Variants in GTF2E2 observed in about 807,000 individuals in gnomAD.
GTF2E2 encodes general transcription factor IIE subunit 2.
Under a neutral mutation model 40.5 loss-of-function variants are expected in GTF2E2, and 21 were observed. That is an observed-to-expected ratio of 0.52 (90% CI 0.37 to 0.75). The LOEUF (loss-of-function observed/expected upper bound fraction) is 0.75, where lower values mean the gene tolerates loss of function less well. Among genes scored for constraint, GTF2E2 ranks in the 30% least tolerant of loss-of-function variants. The pLI is 0.00. For synonymous variants in GTF2E2, 117 were observed against 121.6 expected, an observed-to-expected ratio of 0.96 and a Z score of 0.25; for missense variants, 298 against 338.4, an observed-to-expected ratio of 0.88 and a Z score of 0.94.
intron 3 of GTF2E2, among the ~76,000 whole-genome samples, chr8:30,632,545 TATA>T (rs766037088): frequency 6.6e-6 from 1 of 152,172 alleles, no homozygotes; most frequent in South Asian, 2.1e-4. Context: ...ATAAAACAAT[TATA>T]ATAAAAATTC....
At chr8:30,615,243 C>T (rs1800884592) in intron 3 of GTF2E2, among the ~76,000 whole-genome samples, 1 of 152,128 alleles carries the variant, frequency 6.6e-6, no homozygotes, top group South Asian at 2.1e-4. Flanking sequence ...CATGCCACTG[C>T]ACTCCAGCCT....
At chr8:30,611,711 G>A (rs1829480715) in intron 5 of GTF2E2, among the ~76,000 whole-genome samples, 1 of 152,146 alleles carries the variant, frequency 6.6e-6, no homozygotes, top group Non-Finnish European at 1.5e-5. Flanking sequence ...CCATTACCAA[G>A]AAGAAGAGAC....
At chr8:30,649,660 C>A (rs781702690) in intron 2 of GTF2E2, among the ~76,000 whole-genome samples, 1 of 152,280 alleles carries the variant, frequency 6.6e-6, no homozygotes, top group Non-Finnish European at 1.5e-5. Flanking sequence ...GCCTGACCAA[C>A]ATGGCAAAAC....
intron 3 of GTF2E2, among the ~76,000 whole-genome samples, chr8:30,634,700 A>T (rs2128723629): frequency 6.6e-6 from 1 of 152,332 alleles, no homozygotes; most frequent in Non-Finnish European, 1.5e-5. Flanking sequence ...CTGAAAAATC[A>T]ATCACATCCT....
At chr8:30,603,576 T>C (rs541853158) in intron 6 of GTF2E2, among the ~76,000 whole-genome samples, 127 of 152,264 alleles carry the variant, frequency 8.3e-4, no homozygotes, top group Middle Eastern at 3.4e-3. Context: ...AACACAATTC[T>C]TAAAATAAAC....
intron 3 of GTF2E2, among the ~76,000 whole-genome samples, chr8:30,623,660 C>T (rs1157432002): frequency 6.6e-6 from 1 of 151,954 alleles, no homozygotes; most frequent in Non-Finnish European, 1.5e-5. Context: ...TGTTTCTCCA[C>T]ATCCTCTCCA....
intron 6 of GTF2E2, among the ~76,000 whole-genome samples, chr8:30,582,927 T>C (rs1289454971): frequency 2.0e-5 from 3 of 152,236 alleles, no homozygotes; most frequent in Non-Finnish European, 4.4e-5. Context: ...TCTCATATTA[T>C]CACTAATTTT....
chr8:30,589,659 TTC>T (rs1176905555), intron 6 of GTF2E2, among the ~76,000 whole-genome samples: 21 of 152,374 alleles, frequency 1.4e-4, no homozygotes, highest in African/African-American at 4.8e-4. Flanking sequence ...TTCTTGAGAA[TTC>T]TGTCACTACC....
rs146018850 is a variant in GTF2E2 at position 30,585,772 on chromosome 8, TAAAAAAAAA to T, written c.644-5385_644-5377del. Among the ~76,000 whole-genome samples the T allele has an allele frequency of 1.5e-4, 10 of 67,660 alleles. No homozygotes were observed. The South Asian group carries it at 2.5e-3, about 17-fold the overall frequency. 44.4% of individuals were successfully genotyped at this position (67,660 alleles called of 152,430 possible). On this transcript the variant is annotated intron_variant, in intron 6 of 7. Coordinates refer to ENST00000355904, the MANE Select transcript of GTF2E2 (RefSeq NM_002095.6). ...AGCATTAAGGTACATCTTTGCCCTT[TAAAAAAAAA>T]AAAAAAAAAAAAAAAAAAAAAGGCC... is the stretch of plus-strand genomic sequence containing the variant.
chr8:30,603,113 T>A (rs910152476), intron 6 of GTF2E2, among the ~76,000 whole-genome samples: 1 of 152,230 alleles, frequency 6.6e-6, no homozygotes, highest in Admixed American at 6.5e-5. Context: ...GACTGGTCTA[T>A]CTTACCTCTA....
At chr8:30,608,704 C>T (rs924077650) in intron 5 of GTF2E2, among the ~76,000 whole-genome samples, 6 of 152,178 alleles carry the variant, frequency 3.9e-5, no homozygotes. Context: ...TGATGGCTCA[C>T]ACCTATAATC....
chr8:30,583,482 C>A (rs936752223), intron 6 of GTF2E2, among the ~76,000 whole-genome samples: 5 of 152,100 alleles, frequency 3.3e-5, no homozygotes, highest in Admixed American at 2.0e-4. Context: ...TGGGCTCAAT[C>A]AATCTTCCTC....
chr8:30,622,844 G>A (rs1051139916), intron 3 of GTF2E2, among the ~76,000 whole-genome samples: 2 of 152,140 alleles, frequency 1.3e-5, no homozygotes, highest in African/African-American at 4.8e-5. Context: ...GGTGGTCAGA[G>A]TTTAAGGTTA....
chr8:30,636,839 G>A (rs796886582), intron 2 of GTF2E2: 14 of 328,506 alleles, frequency 4.3e-5, no homozygotes, highest in South Asian at 3.4e-4. Flanking sequence ...GCAACAGAGT[G>A]AGACTCCGTC....
chr8:30,596,142 T>C (rs1434020269), intron 6 of GTF2E2, among the ~76,000 whole-genome samples: 2 of 152,270 alleles, frequency 1.3e-5, no homozygotes, highest in Non-Finnish European at 2.9e-5. Context: ...GTTTGGGGGA[T>C]GATCTATTGG....
At chr8:30,645,151 C>A in intron 2 of GTF2E2, 1 of 813,998 alleles carries the variant, frequency 1.2e-6, no homozygotes, top group Admixed American at 3.0e-5. Context: ...AAATTCAAAA[C>A]TACCATTTAG....
chr8:30,624,673 C>T (rs1563494965), intron 3 of GTF2E2, among the ~76,000 whole-genome samples: 2 of 151,936 alleles, frequency 1.3e-5, no homozygotes, highest in Non-Finnish European at 2.9e-5. Flanking sequence ...TTGTTTGTAT[C>T]CTCTTTTATT....
intron 2 of GTF2E2, among the ~76,000 whole-genome samples, chr8:30,640,816 T>C (rs1056407368): frequency 1.3e-5 from 2 of 152,158 alleles, no homozygotes; most frequent in Admixed American, 1.3e-4. Context: ...GAGATTCTCC[T>C]GCCTTGGCTT....
chr8:30,645,766 C>A lies in GTF2E2; in HGVS notation c.166+7667G>T, dbSNP rs186341011. 1.8e-3 allele frequency: 1,095 copies of A among 617,062 alleles called. 1 individual carries two copies. The highest frequency in any genetic ancestry group is 3.5e-3 in the Middle Eastern group (8 of 2,310). 38.2% of individuals were successfully genotyped at this position (617,062 alleles called of 1,614,324 possible). ...AAACATGCACTGTTTGTGTGTATAG[C>A]CATTTCATTAAATATACAGTAAAAC... On this transcript the variant is annotated intron_variant, in intron 2 of 7. Coordinates refer to ENST00000355904, the MANE Select transcript of GTF2E2 (RefSeq NM_002095.6).
Sources: gnomAD v4.1 joint callset for allele counts (sites outside exome capture counted in the v4.1 genomes callset) on GRCh38, gnomAD v4.1.1 for gene constraint, MANE v1.5 for transcripts, NCBI Gene and HGNC (gene_info 2026-07-23, HGNC 2026-07-21) for gene names.